The following TNR variants were observed in gnomAD, a reference collection of about 807,000 sequenced individuals.
TNR encodes the protein tenascin-R.
A neutral mutation model predicts 150.4 loss-of-function variants in TNR; 45 were observed. The observed-to-expected ratio is 0.30, with a 90% confidence interval of 0.24 to 0.38. TNR has a LOEUF of 0.38. TNR is among the 10% of genes least tolerant of loss of function. The pLI is 1.00. For missense variants in TNR, 1,544 were observed against 1,759.1 expected, an observed-to-expected ratio of 0.88 and a Z score of 2.19; for synonymous variants, 687 against 678.4, an observed-to-expected ratio of 1.01 and a Z score of -0.20.
intron 1 of TNR, among the ~76,000 whole-genome samples, chr1:175,623,034 C>T (rs1274057911): frequency 1.3e-5 from 2 of 152,148 alleles, no homozygotes; most frequent in Admixed American, 6.6e-5. Context: ...AATAAGGTTA[C>T]ATTTTGAGGT....
chr1:175,599,122 C>CG lies in TNR; in HGVS notation c.-164-70754dup, dbSNP rs141035616. Among the ~76,000 whole-genome samples, 1,296 of 152,126 alleles carry CG rather than the reference C, an allele frequency of 8.5e-3. 14 individuals are homozygous for CG. The highest frequency in any genetic ancestry group is 0.03 in the African/African-American group (1,231 of 41,500). On this transcript the variant is annotated intron_variant, in intron 1 of 22. Coordinates refer to ENST00000367674, the MANE Select transcript of TNR (RefSeq NM_003285.3). This position sits in a 1 kb window ranked among gnomAD's most constrained non-coding sequence, Gnocchi z 4.7. ...TCCAGCCTCTATGGGCCCCGGGTTGCGGGGGGTCACCAATTTGCAGAGCTG... is the reference window on the plus strand; with the variant it reads ...TCCAGCCTCTATGGGCCCCGGGTTGCGGGGGGGTCACCAATTTGCAGAGCTG...
chr1:175,658,256 G>C (rs1221060920), intron 1 of TNR, among the ~76,000 whole-genome samples: 2 of 152,076 alleles, frequency 1.3e-5, no homozygotes, highest in Non-Finnish European at 2.9e-5. Flanking sequence ...CAGGAATGAG[G>C]TGCTACTTTC....
At chr1:175,719,673 G>T (rs1190927377) in intron 1 of TNR, among the ~76,000 whole-genome samples, 1 of 152,212 alleles carries the variant, frequency 6.6e-6, no homozygotes, top group African/African-American at 2.4e-5. Context: ...TTGCAGGAAA[G>T]ATAGCCAAGC....
intron 15 of TNR, among the ~76,000 whole-genome samples, chr1:175,356,781 T>G (rs1651351913): frequency 6.6e-6 from 1 of 152,194 alleles, no homozygotes; most frequent in Admixed American, 6.5e-5. Flanking sequence ...CCTAATCAAG[T>G]TCTCTCTCCA....
chr1:175,362,868 T>C (rs1571339773), intron 13 of TNR, 59 bp from the exon 14 acceptor site: 1 of 1,604,286 alleles, frequency 6.2e-7, no homozygotes, highest in East Asian at 2.2e-5. Flanking sequence ...AAGCAGCCCA[T>C]GGTACAGTCT....
chr1:175,437,575 C>T (rs1248021224), intron 2 of TNR, among the ~76,000 whole-genome samples: 1 of 152,098 alleles, frequency 6.6e-6, no homozygotes, highest in African/African-American at 2.4e-5. Context: ...TTCAAAAAAT[C>T]AATGAATTCA....
intron 1 of TNR, among the ~76,000 whole-genome samples, chr1:175,665,372 G>A (rs1665505665): frequency 6.6e-6 from 1 of 152,208 alleles, no homozygotes; most frequent in South Asian, 2.1e-4. Flanking sequence ...TGGCTTCCAG[G>A]TGGTGACCTC....
At chr1:175,394,603 T>C (rs544913323) in intron 5 of TNR, among the ~76,000 whole-genome samples, 1 of 152,328 alleles carries the variant, frequency 6.6e-6, no homozygotes, top group South Asian at 2.1e-4. Context: ...GGAGTTTCAA[T>C]TATCAGCCCT....
rs1653164152 is a variant in TNR at position 175,391,416 on chromosome 1, G to A, written c.1379C>T (p.Ala460Val). The A allele has an allele frequency of 1.9e-6, 3 of 1,614,044 alleles. No homozygotes were observed. The highest frequency in any genetic ancestry group is 2.2e-5 in the South Asian group (2 of 91,068). ...GGACGTAACATCGCTGGGGACCTGA[G>A]CAATCACTCCCCCTTCATTGTTCTG... ...IPKNNEGGVIAQVPSDVTSFN... is the reference protein window; with the variant it reads ...IPKNNEGGVIVQVPSDVTSFN... The change falls in exon 7 of 23, where the codon GCT (alanine) becomes GTT (valine). Residue 460 changes from alanine to valine, a missense_variant. Around this residue, in one of 2 missense-constraint regions of TNR, gnomAD observed 1,254 missense variants for 1,329.4 expected, o/e 0.94. Coordinates refer to ENST00000367674, the MANE Select transcript of TNR (RefSeq NM_003285.3).
intron 1 of TNR, among the ~76,000 whole-genome samples, chr1:175,581,967 C>G (rs936863034): frequency 1.3e-5 from 2 of 152,052 alleles, no homozygotes; most frequent in African/African-American, 4.8e-5. Flanking sequence ...AGAGCAAAAC[C>G]AATCAAATCC....
At chr1:175,448,751 C>G (rs1656176203) in intron 2 of TNR, among the ~76,000 whole-genome samples, 1 of 152,212 alleles carries the variant, frequency 6.6e-6, no homozygotes, top group Non-Finnish European at 1.5e-5. Context: ...CTTTCGTGAC[C>G]ACTAGAAGTC....
At chr1:175,387,795 C>T (rs1428859884) in intron 7 of TNR, among the ~76,000 whole-genome samples, 3 of 152,198 alleles carry the variant, frequency 2.0e-5, no homozygotes, top group Non-Finnish European at 2.9e-5. Flanking sequence ...CCCTCAGGGC[C>T]GTCTTAGGCT....
intron 17 of TNR, 131 bp from the exon 18 acceptor site, chr1:175,354,654 T>C: frequency 8.3e-7 from 1 of 1,203,596 alleles, no homozygotes; most frequent in Non-Finnish European, 1.2e-6. Flanking sequence ...ATCCTCTCCA[T>C]CCCACAATAA....
At chr1:175,398,574 G>T (rs186108012) in intron 4 of TNR, among the ~76,000 whole-genome samples, 45 of 152,216 alleles carry the variant, frequency 3.0e-4, no homozygotes, top group African/African-American at 1.1e-3. Flanking sequence ...TGATTATACT[G>T]AGCACTTATT....
At chr1:175,647,339 A>C (rs1664838367) in intron 1 of TNR, among the ~76,000 whole-genome samples, 1 of 152,062 alleles carries the variant, frequency 6.6e-6, no homozygotes, top group Non-Finnish European at 1.5e-5. Flanking sequence ...AAAATTTAGG[A>C]AGGTGGAGTT....
At chr1:175,741,160 G>A (rs1333047062) in intron 1 of TNR, among the ~76,000 whole-genome samples, 1 of 152,196 alleles carries the variant, frequency 6.6e-6, no homozygotes, top group African/African-American at 2.4e-5. Context: ...ATCCAATGGG[G>A]AGCAATCCAT....
At chr1:175,707,323 C>T (rs963663533) in intron 1 of TNR, among the ~76,000 whole-genome samples, 10 of 152,258 alleles carry the variant, frequency 6.6e-5, no homozygotes, top group African/African-American at 2.4e-4. Flanking sequence ...CTATATCTGA[C>T]AGCCATTTAT....
chr1:175,419,643 G>A (rs144196826), intron 2 of TNR, among the ~76,000 whole-genome samples: 7 of 151,956 alleles, frequency 4.6e-5, no homozygotes, highest in South Asian at 2.1e-4. Flanking sequence ...CACCACGCCC[G>A]GCTAATTTTT....
chr1:175,668,922 C>T (rs1665609972), intron 1 of TNR, among the ~76,000 whole-genome samples: 2 of 152,172 alleles, frequency 1.3e-5, no homozygotes, highest in Admixed American at 6.5e-5. Context: ...GTGTGCATAG[C>T]CCCCTGGGGT....
Sources: gnomAD v4.1 joint callset for allele counts (sites outside exome capture counted in the v4.1 genomes callset) on GRCh38, gnomAD v4.1.1 for gene constraint, gnomAD v4.1.1 regional missense constraint, Gnocchi (gnomAD v3.1) non-coding constraint, MANE v1.5 for transcripts, NCBI Gene and HGNC (gene_info 2026-07-23, HGNC 2026-07-21) for gene names.